The following DNMT3A variants were observed in gnomAD, a reference collection of about 807,000 sequenced individuals.
DNMT3A encodes the protein DNA (cytosine-5)-methyltransferase 3A.
In DNMT3A, 267 loss-of-function variants were observed where a neutral mutation model predicts 117.6. The ratio of observed to expected loss-of-function variants is 2.27; its 90% CI spans 2.05 to 2.51. The LOEUF is 2.51. DNMT3A is among the 30% of genes most tolerant of loss of function. DNMT3A has a pLI of 0.00. For missense variants in DNMT3A, 1,029 were observed against 1,260.2 expected, an observed-to-expected ratio of 0.82 and a Z score of 2.78; for synonymous variants, 432 against 474.8, an observed-to-expected ratio of 0.91 and a Z score of 1.17.
intron 13 of DNMT3A, 105 bp downstream of exon 13, chr2:25,245,148 A>C (rs1349709117): frequency 9.5e-7 from 1 of 1,056,710 alleles, no homozygotes; most frequent in African/African-American, 1.6e-5. Flanking sequence ...CATCACACGC[A>C]CACCGGGTGT....
intron 1 of DNMT3A, among the ~76,000 whole-genome samples, chr2:25,331,616 T>C (rs990439161): frequency 1.3e-5 from 2 of 152,182 alleles, no homozygotes; most frequent in African/African-American, 4.8e-5. Flanking sequence ...CACTGTGAAG[T>C]AGAGGCGCTA....
At chr2:25,261,140 A>G (rs1334135517) in intron 6 of DNMT3A, among the ~76,000 whole-genome samples, 1 of 151,994 alleles carries the variant, frequency 6.6e-6, no homozygotes, top group Non-Finnish European at 1.5e-5. Flanking sequence ...CTAAAAATAC[A>G]AAAATTAGCC....
chr2:25,246,505 C>A, intron 10 of DNMT3A, 115 bp downstream of exon 10: 1 of 1,482,326 alleles, frequency 6.7e-7, no homozygotes, highest in Non-Finnish European at 9.0e-7. Flanking sequence ...CCGGCTGTTC[C>A]CACTGGGCCC....
chr2:25,304,142 G>A lies in DNMT3A; in HGVS notation c.73-3899C>T, dbSNP rs553196095. On this transcript the variant is annotated intron_variant, in intron 2 of 22. Coordinates refer to ENST00000321117, the MANE Select transcript of DNMT3A (RefSeq NM_022552.5). The surrounding 1 kb of genome is among the most constrained non-coding windows in gnomAD (Gnocchi z 4.3). ...TCTGTCAAGCCAGGGGACTGAATTC[G>A]TCCACACTTCCAGCGCAGAGGGGAG... is the stretch of plus-strand genomic sequence containing the variant. Among the ~76,000 whole-genome samples the A allele has an allele frequency of 3.2e-4, 49 of 152,178 alleles. No homozygotes were observed. Among genetic ancestry groups the A allele is most frequent in the African/African-American group, 6.0e-4 (25 of 41,518 alleles).
intron 16 of DNMT3A, among the ~76,000 whole-genome samples, chr2:25,243,666 G>A (rs1228906549): frequency 6.6e-6 from 1 of 152,212 alleles, no homozygotes; most frequent in East Asian, 1.9e-4. Context: ...CCTTACTAAG[G>A]AAGCGCCCAG....
chr2:25,299,652 C>T (rs1206891613), intron 3 of DNMT3A, among the ~76,000 whole-genome samples: 5 of 152,168 alleles, frequency 3.3e-5, no homozygotes, highest in Admixed American at 1.3e-4. Flanking sequence ...GAAATGTGGC[C>T]GGGCGCGGTG....
intron 1 of DNMT3A, among the ~76,000 whole-genome samples, chr2:25,322,615 C>G (rs984931504): frequency 6.6e-6 from 1 of 151,772 alleles, no homozygotes; most frequent in Non-Finnish European, 1.5e-5. Context: ...TCTCCTGAAG[C>G]CTCAGGACTG....
At chr2:25,342,427 T>C (rs2035498237), upstream of DNMT3A, 1 of 152,006 alleles carries the variant, frequency 6.6e-6, no homozygotes, top group South Asian at 2.1e-4. This position sits in a 1 kb window ranked among gnomAD's most constrained non-coding sequence, Gnocchi z 5.9. Context: ...GGCGCCCCGC[T>C]ACCTGGCGCT....
intron 1 of DNMT3A, among the ~76,000 whole-genome samples, chr2:25,341,438 G>T (rs1349269990): frequency 6.9e-6 from 1 of 145,482 alleles, no homozygotes; most frequent in African/African-American, 2.5e-5. Context: ...CCCGGCCGGG[G>T]CCCCTGCGGC....
At chr2:25,273,390 C>T (rs563491260) in intron 6 of DNMT3A, among the ~76,000 whole-genome samples, 1 of 152,230 alleles carries the variant, frequency 6.6e-6, no homozygotes, top group Admixed American at 6.5e-5. Flanking sequence ...TAAGCCACCG[C>T]GCCTGGCCTC....
chr2:25,269,984 T>C (rs549528061), intron 6 of DNMT3A, among the ~76,000 whole-genome samples: 1 of 151,786 alleles, frequency 6.6e-6, no homozygotes, highest in South Asian at 2.1e-4. Context: ...AGCTGGGGAG[T>C]GCGTTCCCAG....
chr2:25,314,710 C>T (rs950327091), intron 1 of DNMT3A: 77 of 985,296 alleles, frequency 7.8e-5, no homozygotes, highest in Non-Finnish European at 9.3e-5. Flanking sequence ...AGGCTGCAGG[C>T]CTGGTTGGCT....
chr2:25,278,705 A>T (rs916491059), intron 4 of DNMT3A, among the ~76,000 whole-genome samples: 1 of 152,180 alleles, frequency 6.6e-6, no homozygotes, highest in African/African-American at 2.4e-5. Context: ...TGGCGCCTGT[A>T]ATCCCAGCTA....
rs555969479 is a variant in DNMT3A at position 25,261,333 on chromosome 2, G to C, written c.640-13081C>G. Among the ~76,000 whole-genome samples, 4 of 151,778 alleles carry C rather than the reference G, an allele frequency of 2.6e-5. No individual in the cohort carries two copies. In the East Asian group the frequency reaches 7.8e-4, roughly 29 times the overall value. ...GTGTGCCTATAGTCCCAGCTACTCA[G>C]GAGGCTGAGGCAGGAGAATCACTTG... On this transcript the variant is annotated intron_variant, in intron 6 of 22. Coordinates refer to ENST00000321117, the MANE Select transcript of DNMT3A (RefSeq NM_022552.5).
At chr2:25,265,418 T>C (rs1156571875) in intron 6 of DNMT3A, among the ~76,000 whole-genome samples, 1 of 152,220 alleles carries the variant, frequency 6.6e-6, no homozygotes, top group African/African-American at 2.4e-5. Context: ...CAACACGAGA[T>C]TTGGAGTCTA....
intron 6 of DNMT3A, among the ~76,000 whole-genome samples, chr2:25,261,016 C>T (rs1230329637): frequency 2.6e-5 from 4 of 151,554 alleles, no homozygotes; most frequent in African/African-American, 4.8e-5. Context: ...AACGTAGGCC[C>T]GGCATGATGG....
At position 25,337,462 on chromosome 2, in the gene DNMT3A, G is replaced by A. The variant is rs1404943819; in HGVS notation, c.-178+4364C>T. ...ACAACCACCTGTAAGCAGAATCCAC[G>A]CACACTCCCATGTTACAGGTGAGGA... is the stretch of plus-strand genomic sequence containing the variant. On this transcript the variant is annotated intron_variant, in intron 1 of 22. Transcript: ENST00000321117. The surrounding 1 kb of genome is among the most constrained non-coding windows in gnomAD (Gnocchi z 5.0). 2.6e-5 allele frequency among the ~76,000 whole-genome samples: 4 copies of A among 152,144 alleles called. No homozygotes were observed. Among genetic ancestry groups the A allele is most frequent in the Admixed American group, 6.5e-5 (1 of 15,270 alleles).
In DNMT3A at chr2:25,237,073, G is replaced by A. The variant is rs910874835; in HGVS notation, c.2409-68C>T. 82 of 1,512,054 alleles carry A rather than the reference G, an allele frequency of 5.4e-5. 1 individual carries two copies. The East Asian group carries it at 1.4e-3, about 25-fold the overall frequency. The allele number at this position is 1,512,054 out of a possible 1,614,324, so 93.7% of individuals were successfully genotyped here. A position where few individuals can be genotyped will look rare whatever the true frequency, so the allele number is the denominator to read the frequency against. ...ACAGCGGGAAGGGCCCCAGCTGCAC[G>A]ACTCCCCTCCCTCCCCCAGCAGCCA... On this transcript the variant is annotated intron_variant, in intron 20 of 22. Transcript: ENST00000321117. The surrounding 1 kb of genome is among the most constrained non-coding windows in gnomAD (Gnocchi z 5.4).
At position 25,323,766 on chromosome 2, in the gene DNMT3A, C is replaced by T. The variant is rs796455847; in HGVS notation, c.-177-9605G>A. 3.3e-5 allele frequency among the ~76,000 whole-genome samples: 5 copies of T among 152,346 alleles called. No individual in the cohort carries two copies. In the East Asian group the frequency reaches 7.7e-4, roughly 23 times the overall value. ...GGAGCTTGTACTTAAGCTCCTCCGA[C>T]ATGCCAGGCCCCGTGAGCAGAGCTT... is the stretch of plus-strand genomic sequence containing the variant. On this transcript the variant is annotated intron_variant, in intron 1 of 22. Transcript: ENST00000321117.
Sources: gnomAD v4.1 joint callset for allele counts (sites outside exome capture counted in the v4.1 genomes callset) on GRCh38, gnomAD v4.1.1 for gene constraint, Gnocchi (gnomAD v3.1) non-coding constraint, MANE v1.5 for transcripts, NCBI Gene and HGNC (gene_info 2026-07-23, HGNC 2026-07-21) for gene names.